Variants in VPS8 observed in about 807,000 individuals in gnomAD.
VPS8 encodes vacuolar protein sorting-associated protein 8 homolog.
Under a neutral mutation model 216.4 loss-of-function variants are expected in VPS8, and 129 were observed. The observed-to-expected ratio is 0.60, with a 90% CI of 0.52 to 0.69. VPS8 has a LOEUF of 0.69. Among genes scored for constraint, VPS8 ranks in the 30% least tolerant of loss-of-function variants. The pLI is 0.00. For synonymous variants in VPS8, 571 were observed against 565.4 expected (o/e 1.01, Z -0.14); for missense variants, 1,531 against 1,683.5 (o/e 0.91, Z 1.59).
rs1378182066 is a variant in VPS8, at chr3:184,834,709, G to T, written c.414G>T (p.Leu138Phe). 1 of 1,563,544 alleles carries T rather than the reference G, an allele frequency of 6.4e-7. No homozygotes were observed. Among genetic ancestry groups the T allele is most frequent in the South Asian group, 1.2e-5 (1 of 84,962 alleles). The change falls in exon 5 of 48, where the codon TTG (leucine) becomes TTT (phenylalanine). Residue 138 changes from leucine (L) to phenylalanine (F), a missense_variant. Physicochemically the swap from Leu to Phe is conservative, Grantham distance 22 (BLOSUM62 0). This residue lies in a region of VPS8 where 199 missense variants were observed against 182.2 expected (regional missense o/e 1.09). Coordinates refer to ENST00000625842, the MANE Select transcript of VPS8 (RefSeq NM_001009921.3). ...GATCAGTTATGCGCCATTCACTTTT[G>T]AAGGGAATTTCTGCCCAGATAGTGT... ...LHGSVMRHSL[L>F]KGISAQIVSA... is the part of the protein sequence containing the mutation.
In VPS8 at chr3:184,853,993, A is replaced by G. The variant is rs1486074677; in HGVS notation, c.958A>G (p.Met320Val). 6 of 1,613,596 alleles carry G rather than the reference A, an allele frequency of 3.7e-6. No homozygotes were observed. The highest frequency in any genetic ancestry group is 5.1e-6 in the Non-Finnish European group (6 of 1,179,764). Reference protein sequence around the residue: ...HPITQFSLLAMASLTKILVIG... With the variant: ...HPITQFSLLAVASLTKILVIG... ...CATCACACAGTTTTCATTATTGGCC[A>G]TGGCATCCTTGACAAAAGTAAGTGT... The change falls in exon 12 of 48, where the codon ATG (methionine) becomes GTG (valine). Residue 320 changes from methionine (M) to valine (V), a missense_variant. By Grantham distance (21) the Met-to-Val change is conservative. This residue lies in a region of VPS8 where 1,318 missense variants were observed against 1,468.4 expected (regional missense o/e 0.90). Transcript: ENST00000625842.
intron 44 of VPS8, among the ~76,000 whole-genome samples, chr3:184,998,984 C>T (rs768851786): frequency 3.0e-4 from 46 of 151,822 alleles, no homozygotes; most frequent in Admixed American, 1.3e-3. Context: ...CAGGTTCAAG[C>T]GATTCTCATG....
chr3:184,834,551 T>C (rs1720668820), intron 4 of VPS8, 98 bp from the exon 5 acceptor site: 2 of 900,388 alleles, frequency 2.2e-6, no homozygotes, highest in Middle Eastern at 5.8e-4. Flanking sequence ...AATGTTGTCT[T>C]CTGCTTTTTG....
chr3:184,918,768 A>G (rs533726825), intron 28 of VPS8, among the ~76,000 whole-genome samples: 1 of 152,130 alleles, frequency 6.6e-6, no homozygotes, highest in Non-Finnish European at 1.5e-5. Flanking sequence ...TTCCCTTTGT[A>G]CCTGCAGAGT....
intron 14 of VPS8, among the ~76,000 whole-genome samples, chr3:184,859,586 A>G (rs956025350): frequency 6.6e-6 from 1 of 152,238 alleles, no homozygotes; most frequent in African/African-American, 2.4e-5. Flanking sequence ...CATAGTTCAG[A>G]AAAGTCTGGT....
intron 16 of VPS8, among the ~76,000 whole-genome samples, chr3:184,864,380 T>C (rs1726949712): frequency 6.6e-6 from 1 of 152,018 alleles, no homozygotes; most frequent in Admixed American, 6.6e-5. Flanking sequence ...GAAGACAAAA[T>C]TGGGTTGAGT....
intron 46 of VPS8, among the ~76,000 whole-genome samples, chr3:185,030,053 G>C (rs1757901963): frequency 6.6e-6 from 1 of 152,198 alleles, no homozygotes; most frequent in Admixed American, 6.5e-5. Context: ...GACCTTTACA[G>C]TGTTTGATCA....
In VPS8 at chr3:184,886,129, T is replaced by G. The variant is rs767451251; in HGVS notation, c.1754T>G (p.Val585Gly). ...QHFQDMVPVI[V>G]DYCLLLQRKD... ...CTACAGGATATGGTGCCTGTCATAG[T>G]TGATTACTGCCTTCTGCTGCAGCGA... The change falls in exon 22 of 48, where the codon GTT becomes GGT. Residue 585 changes from valine to glycine, a missense_variant. Val to Gly is a moderately radical substitution (Grantham distance 109). This residue lies in a region of VPS8 where 1,318 missense variants were observed against 1,468.4 expected (regional missense o/e 0.90). Transcript: ENST00000625842. 6 of 1,609,818 alleles carry G rather than the reference T, an allele frequency of 3.7e-6. No individual in the cohort carries two copies. The South Asian group carries it at 6.7e-5, about 18-fold the overall frequency.
chr3:184,826,081 G>T, intron 2 of VPS8, 82 bp from the exon 3 acceptor site: 1 of 934,236 alleles, frequency 1.1e-6, no homozygotes, highest in Admixed American at 2.6e-5. Context: ...TTAATTGATG[G>T]TGGTTTTAAT....
intron 16 of VPS8, among the ~76,000 whole-genome samples, chr3:184,863,636 T>G (rs529383561): frequency 6.6e-6 from 1 of 152,260 alleles, no homozygotes; most frequent in Non-Finnish European, 1.5e-5. Context: ...TAGCATTAAT[T>G]TTATTGTATC....
chr3:184,999,877 G>A lies in VPS8; in HGVS notation c.4002+16G>A, dbSNP rs773813333. The A allele has an allele frequency of 4.0e-5, 64 of 1,591,466 alleles. No homozygotes were observed. Among genetic ancestry groups the A allele is most frequent in the African/African-American group, 1.2e-4 (9 of 74,044 alleles). On this transcript the variant is annotated intron_variant, in intron 45 of 47. Transcript: ENST00000625842. ...CCCATCACAGGTAAGACTTGTTTTC[G>A]TGGCAAAATGGAAATGGTCTTTTCT... is the stretch of plus-strand genomic sequence containing the variant.
chr3:184,838,230 T>G (rs1388179758), intron 5 of VPS8, among the ~76,000 whole-genome samples: 1 of 152,230 alleles, frequency 6.6e-6, no homozygotes, highest in African/African-American at 2.4e-5. Flanking sequence ...TGTTTTAATT[T>G]CTTATGCTTG....
chr3:185,041,740 C>T (rs1052342039), intron 46 of VPS8, among the ~76,000 whole-genome samples: 1 of 152,220 alleles, frequency 6.6e-6, no homozygotes, highest in Non-Finnish European at 1.5e-5. Context: ...GGAATTTGAA[C>T]AGAGCTTCGC....
chr3:184,950,894 A>G (rs1424413771), intron 36 of VPS8, among the ~76,000 whole-genome samples: 3 of 152,184 alleles, frequency 2.0e-5, no homozygotes, highest in African/African-American at 7.2e-5. Flanking sequence ...AAAGGACATG[A>G]TCTCATTCCT....
chr3:184,983,937 C>A (rs1750625204), intron 42 of VPS8, among the ~76,000 whole-genome samples: 1 of 151,358 alleles, frequency 6.6e-6, no homozygotes, highest in African/African-American at 2.4e-5. Context: ...GTAATCCCAG[C>A]ACTTTGGGAA....
chr3:184,857,514 C>T (rs1725484343), intron 14 of VPS8, among the ~76,000 whole-genome samples: 1 of 152,194 alleles, frequency 6.6e-6, no homozygotes, highest in Non-Finnish European at 1.5e-5. Flanking sequence ...AAAGTATCAT[C>T]CCTTAACTCT....
At chr3:184,896,979 G>C (rs1733612486) in intron 23 of VPS8, among the ~76,000 whole-genome samples, 1 of 152,130 alleles carries the variant, frequency 6.6e-6, no homozygotes, top group Admixed American at 6.5e-5. Flanking sequence ...ATAGGTAAAA[G>C]CAACAGCTAG....
At chr3:184,863,393 G>A (rs944910173) in intron 16 of VPS8, among the ~76,000 whole-genome samples, 1 of 152,094 alleles carries the variant, frequency 6.6e-6, no homozygotes. Flanking sequence ...TTTTTAGAAA[G>A]CTTAATTTGG....
intron 40 of VPS8, among the ~76,000 whole-genome samples, chr3:184,979,391 T>C (rs913817951): frequency 1.3e-5 from 2 of 152,186 alleles, no homozygotes; most frequent in Non-Finnish European, 2.9e-5. Flanking sequence ...CTGATACTGT[T>C]AGTGGAGTAT....
Sources: gnomAD v4.1 joint callset for allele counts (sites outside exome capture counted in the v4.1 genomes callset) on GRCh38, gnomAD v4.1.1 for gene constraint, gnomAD v4.1.1 regional missense constraint, MANE v1.5 for transcripts, NCBI Gene and HGNC (gene_info 2026-07-23, HGNC 2026-07-21) for gene names.